NSD2: variants seen among roughly 807,000 people sequenced by gnomAD.
NSD2 encodes the protein histone-lysine N-methyltransferase NSD2.
In NSD2, 12 loss-of-function variants were observed where a neutral mutation model predicts 139.0. The ratio of observed to expected loss-of-function variants is 0.09; its 90% CI spans 0.06 to 0.14. The LOEUF is 0.14. NSD2 is among the 10% of genes least tolerant of loss of function. NSD2 has a pLI of 1.00. For missense variants in NSD2, 1,155 were observed against 1,745.0 expected (o/e 0.66, Z 6.02); for synonymous variants, 669 against 648.7 (o/e 1.03, Z -0.48).
chr4:1,888,817 C>T (rs1169674086), intron 1 of NSD2, among the ~76,000 whole-genome samples: 6 of 151,940 alleles, frequency 3.9e-5, no homozygotes, highest in African/African-American at 1.5e-4. Context: ...CCACCGGCCT[C>T]GGCCTCCCAA....
chr4:1,931,851 A>G (rs140377762), intron 6 of NSD2, among the ~76,000 whole-genome samples: 1 of 152,282 alleles, frequency 6.6e-6, no homozygotes, highest in Non-Finnish European at 1.5e-5. Flanking sequence ...CTATCAGTAC[A>G]CTAAATTTAG....
rs113873454 is a variant in NSD2 at position 1,893,555 on chromosome 4, T to G, written c.-29-7071T>G. On this transcript the variant is annotated intron_variant, in intron 1 of 21. Transcript: ENST00000508803. ...TTTTTTGTTTTTTGTTTTTTTTTTTTTTTTGTTTTGTTTTGAGACAAGGTC... is the reference window on the plus strand; with the variant it reads ...TTTTTTGTTTTTTGTTTTTTTTTTTGTTTTGTTTTGTTTTGAGACAAGGTC... 0.1 allele frequency among the ~76,000 whole-genome samples: 14,991 copies of G among 147,860 alleles called. 864 individuals carry two copies. Among genetic ancestry groups the G allele is most frequent in the Middle Eastern group, 0.22 (63 of 288 alleles).
intron 12 of NSD2, 128 bp downstream of exon 12, chr4:1,953,652 G>A (rs1428940872): frequency 1.6e-6 from 2 of 1,216,348 alleles, no homozygotes; most frequent in East Asian, 4.8e-5. Context: ...GTGACTAACT[G>A]GACATCGGCT....
At chr4:1,937,750 A>C (rs1460821098) in intron 7 of NSD2, among the ~76,000 whole-genome samples, 1 of 152,062 alleles carries the variant, frequency 6.6e-6, no homozygotes, top group Non-Finnish European at 1.5e-5. Context: ...ATGGAGTATG[A>C]GTGCAGGAGT....
rs537076556 is a variant in NSD2, at chr4:1,973,864, G to C, written c.3373-999G>C. Among the ~76,000 whole-genome samples, 14 of 152,368 alleles carry C rather than the reference G, an allele frequency of 9.2e-5. No homozygotes were observed. The highest frequency in any genetic ancestry group is 3.4e-4 in the African/African-American group (14 of 41,592). ...ATTTCTCCCCACGCGGTTGTGCGGT[G>C]GATCTGGCGGCTCCTCAGGTGGAGG... On this transcript the variant is annotated intron_variant, in intron 18 of 21. Coordinates refer to ENST00000508803, the MANE Select transcript of NSD2 (RefSeq NM_001042424.3). This position sits in a 1 kb window ranked among gnomAD's most constrained non-coding sequence, Gnocchi z 5.5.
At position 1,904,277 on chromosome 4, in the gene NSD2, A is replaced by T; in HGVS notation, c.659A>T (p.Tyr220Phe). ...TGRDKDHLLK[Y>F]NVGDLVWSKV... Reference sequence around the variant, plus strand: ...AGAGACAAAGACCACCTGTTGAAATACAACGTTGGTGATTTGGTGTGGTCC... The same window carrying T: ...AGAGACAAAGACCACCTGTTGAAATTCAACGTTGGTGATTTGGTGTGGTCC... Residue 220 changes from tyrosine (Y) to phenylalanine (F), a missense_variant, in exon 3 of 22, where the codon TAC (tyrosine) becomes TTC (phenylalanine). By Grantham distance (22) the Tyr-to-Phe change is conservative. Around this residue, in one of 8 missense-constraint regions of NSD2, gnomAD observed 34 missense variants for 75.2 expected, o/e 0.45. Coordinates refer to ENST00000508803, the MANE Select transcript of NSD2 (RefSeq NM_001042424.3). 1 of 1,614,180 alleles carries T rather than the reference A, an allele frequency of 6.2e-7. No individual in the cohort carries two copies. Among genetic ancestry groups the T allele is most frequent in the Non-Finnish European group, 8.5e-7 (1 of 1,180,002 alleles).
rs1183192953 is a variant in NSD2, at chr4:1,979,141, C to T, written c.*232C>T. On this transcript the variant is annotated 3_prime_UTR_variant, in exon 22 of 22. Coordinates refer to ENST00000508803, the MANE Select transcript of NSD2 (RefSeq NM_001042424.3). Reference sequence around the variant, plus strand: ...CAGCTCAGCGTTCCTGGACAAACAGCCTCACTCCTCAGCGTTACCGCCACA... The same window carrying T: ...CAGCTCAGCGTTCCTGGACAAACAGTCTCACTCCTCAGCGTTACCGCCACA... 4.5e-6 allele frequency: 2 copies of T among 446,514 alleles called. No individual in the cohort carries two copies. The highest frequency in any genetic ancestry group is 4.0e-5 in the African/African-American group (2 of 49,504). 27.7% of individuals were successfully genotyped at this position (446,514 alleles called of 1,614,324 possible).
intron 3 of NSD2, among the ~76,000 whole-genome samples, chr4:1,905,354 C>T (rs17132080): frequency 0.025 from 3,756 of 152,286 alleles, 162 homozygotes; most frequent in African/African-American, 0.086. Context: ...ATCTGTGCAC[C>T]CTCTGGAAGT....
chr4:1,961,125 C>T lies in NSD2; in HGVS notation c.3346C>T (p.His1116Tyr), dbSNP rs1295039148. ...GCACGCACACGAGAACGACATCACC[C>T]ACTTCTACATGCTCACTATAGACAA... ...IKHAHENDIT[H>Y]FYMLTIDKDR... Residue 1116 changes from histidine (H) to tyrosine (Y), a missense_variant, in exon 18 of 22, where the codon CAC (histidine) becomes TAC (tyrosine). Coordinates refer to ENST00000508803, the MANE Select transcript of NSD2 (RefSeq NM_001042424.3). The T allele has an allele frequency of 1.9e-6, 3 of 1,613,198 alleles. No individual in the cohort carries two copies. The highest frequency in any genetic ancestry group is 3.3e-5 in the Admixed American group (2 of 60,002).
intron 1 of NSD2, among the ~76,000 whole-genome samples, chr4:1,891,914 A>G (rs543534541): frequency 6.6e-6 from 1 of 151,362 alleles, no homozygotes; most frequent in African/African-American, 2.4e-5. Flanking sequence ...AAACCTCACC[A>G]GAAATGCACA....
At chr4:1,890,021 C>T (rs1484390919) in intron 1 of NSD2, among the ~76,000 whole-genome samples, 1 of 152,170 alleles carries the variant, frequency 6.6e-6, no homozygotes, top group Non-Finnish European at 1.5e-5. Context: ...GGCAGCCATT[C>T]TACTTCTGTC....
chr4:1,879,438 C>A (rs1424229407), intron 1 of NSD2, among the ~76,000 whole-genome samples: 2 of 152,158 alleles, frequency 1.3e-5, no homozygotes, highest in Non-Finnish European at 2.9e-5. Flanking sequence ...CCAGGATGGT[C>A]TCAATCTCCT....
chr4:1,979,017 G>GTACGTCTGTGTCCT lies in NSD2; in HGVS notation c.*108_*109insTACGTCTGTGTCCT. ...CCGGAGGACCCAGCTCGAGCCGCCA[G>GTACGTCTGTGTCCT]GACACAGACGTACAGGCCTCCTCGG... On this transcript the variant is annotated 3_prime_UTR_variant, in exon 22 of 22. Coordinates refer to ENST00000508803, the MANE Select transcript of NSD2 (RefSeq NM_001042424.3). The GTACGTCTGTGTCCT allele has an allele frequency of 7.3e-7, 1 of 1,377,088 alleles. No homozygotes were observed. The highest frequency in any genetic ancestry group is 9.5e-7 in the Non-Finnish European group (1 of 1,049,544). The allele number at this position is 1,377,088 out of a possible 1,614,324, so 85.3% of individuals were successfully genotyped here.
chr4:1,927,537 G>GTGAA (rs1268498992), intron 5 of NSD2, among the ~76,000 whole-genome samples: 3 of 151,916 alleles, frequency 2.0e-5, no homozygotes, highest in African/African-American at 7.3e-5. Context: ...GGCCCACATG[G>GTGAA]TGAAACCCCC....
intron 7 of NSD2, 51 bp from the exon 8 acceptor site, chr4:1,938,400 T>TA: frequency 2.4e-6 from 3 of 1,257,806 alleles, no homozygotes; most frequent in Non-Finnish European, 2.1e-6. Flanking sequence ...TTTTTTCTTT[T>TA]CTTTTTTTTT....
chr4:1,957,245 C>CT, intron 15 of NSD2, among the ~76,000 whole-genome samples: 1 of 151,568 alleles, frequency 6.6e-6, no homozygotes, highest in East Asian at 1.9e-4. Flanking sequence ...CTCAGAACCC[C>CT]TTTTGTTTCG....
intron 5 of NSD2, among the ~76,000 whole-genome samples, chr4:1,919,945 GA>G (rs1248757141): frequency 3.3e-5 from 5 of 151,848 alleles, no homozygotes; most frequent in Non-Finnish European, 5.9e-5. Context: ...AAAAAAAAAG[GA>G]AAAAAAGTCT....
chr4:1,961,286 C>A, intron 18 of NSD2, 135 bp downstream of exon 18: 1 of 730,926 alleles, frequency 1.4e-6, no homozygotes, highest in Non-Finnish European at 2.2e-6. Context: ...AACATCTGCA[C>A]ATTTTCTTCT....
intron 1 of NSD2, among the ~76,000 whole-genome samples, chr4:1,895,574 GA>G (rs1716159413): frequency 6.6e-6 from 1 of 151,670 alleles, no homozygotes; most frequent in Non-Finnish European, 1.5e-5. Flanking sequence ...TGCAAATCAT[GA>G]AAACAGTAAT....
Sources: allele counts gnomAD v4.1 joint callset (sites outside exome capture counted in the v4.1 genomes callset), GRCh38; gene constraint gnomAD v4.1.1; regional missense constraint gnomAD v4.1.1; non-coding constraint Gnocchi (gnomAD v3.1); transcripts MANE v1.5; gene names NCBI Gene and HGNC (gene_info 2026-07-23, HGNC 2026-07-21).